CCT3: variants seen among roughly 807,000 people sequenced by gnomAD.
CCT3 encodes chaperonin containing TCP1 subunit 3.
A neutral mutation model predicts 65.3 loss-of-function variants in CCT3; 10 were observed. The observed-to-expected ratio is 0.15, with a 90% CI of 0.09 to 0.26. The LOEUF (loss-of-function observed/expected upper bound fraction) is 0.26. CCT3 is among the 10% of genes least tolerant of loss of function. The probability of loss-of-function intolerance (pLI) is 1.00; values close to 1 mark genes in which losing one functional copy is unlikely to be tolerated. For synonymous variants in CCT3, 225 were observed against 242.3 expected (o/e 0.93, Z 0.66); for missense variants, 626 against 708.7 (o/e 0.88, Z 1.33).
In CCT3 at chr1:156,321,041, C is replaced by G; in HGVS notation, c.423-16G>C. The G allele has an allele frequency of 6.2e-7, 1 of 1,606,236 alleles. No homozygotes were observed. Among genetic ancestry groups the G allele is most frequent in the Non-Finnish European group, 8.5e-7 (1 of 1,173,594 alleles). On this transcript the variant is annotated splice_polypyrimidine_tract_variant and intron_variant, in intron 6 of 13. Transcript: ENST00000295688. ...GACTGGGATACTAGAGAAAAGAAAA[C>G]CAGACGATATGTGAAGAAGGCATGT...
At chr1:156,322,687 C>T (rs894004793) in intron 6 of CCT3, among the ~76,000 whole-genome samples, 1 of 151,198 alleles carries the variant, frequency 6.6e-6, no homozygotes, top group African/African-American at 2.4e-5. Context: ...GAGAAAAACT[C>T]CGTCTCTACT....
Position 156,334,862 on chromosome 1 carries a change from G to A in CCT3, c.144+6C>T, listed in dbSNP as rs1665268598. The A allele has an allele frequency of 3.1e-6, 5 of 1,613,916 alleles. No individual in the cohort carries two copies. The highest frequency in any genetic ancestry group is 4.2e-6 in the Non-Finnish European group (5 of 1,179,814). Reference sequence around the variant, plus strand: ...GCCTAAGAGTTTTAGGAAGAGATAAGCCTACCTTCATCATGGACTTGGGTC... The same window carrying A: ...GCCTAAGAGTTTTAGGAAGAGATAAACCTACCTTCATCATGGACTTGGGTC... On this transcript the variant is annotated splice_donor_region_variant and intron_variant, in intron 3 of 13. Transcript: ENST00000295688.
At chr1:156,325,133 A>G (rs367585473) in intron 5 of CCT3, 44 bp from the exon 6 acceptor site, 11 of 1,319,842 alleles carry the variant, frequency 8.3e-6, no homozygotes, top group South Asian at 4.7e-5. Flanking sequence ...AAGCATCTGG[A>G]TATCAAGGCA....
rs1570927618 is a variant in CCT3 at position 156,325,354 on chromosome 1, T to C, written c.305-265A>G. Reference sequence around the variant, plus strand: ...CAGCCTGGGCAACACAGTGAGACCCTGTCTTTACAAAAAAATTTAAAATTT... The same window carrying C: ...CAGCCTGGGCAACACAGTGAGACCCCGTCTTTACAAAAAAATTTAAAATTT... On this transcript the variant is annotated intron_variant, in intron 5 of 13. Transcript: ENST00000295688. 2.0e-5 allele frequency among the ~76,000 whole-genome samples: 3 copies of C among 152,190 alleles called. No homozygotes were observed. The East Asian group carries it at 5.8e-4, about 29-fold the overall frequency.
At chr1:156,337,277 G>T in intron 1 of CCT3, 2 of 327,552 alleles carry the variant, frequency 6.1e-6, no homozygotes, top group South Asian at 4.4e-5. Flanking sequence ...GCGTGGTGGC[G>T]CGCGCCTGTA....
rs752668283 is a variant in CCT3, at chr1:156,311,139, G to A, written c.1212C>T (p.Asp404=). ...CCCCACCCCCTGGCACCAGCTGAGG[G>A]TCCAGGAGAACATTGCGACACACTT... is the stretch of plus-strand genomic sequence containing the variant. ...AMQVCRNVLL[D]PQLVPGGGAS... The change falls in exon 12 of 14, where the codon GAC becomes GAT. Residue 404 remains aspartate (D), a synonymous_variant. Transcript: ENST00000295688. 6 of 1,613,806 alleles carry A rather than the reference G, an allele frequency of 3.7e-6. No individual in the cohort carries two copies. Among genetic ancestry groups the A allele is most frequent in the South Asian group, 2.2e-5 (2 of 91,070 alleles).
chr1:156,327,101 AACATAT>A (rs1477960997), intron 5 of CCT3, among the ~76,000 whole-genome samples: 2 of 152,260 alleles, frequency 1.3e-5, no homozygotes, highest in African/African-American at 4.8e-5. Flanking sequence ...CACACAAAAT[AACATAT>A]ACATAGATGC....
At chr1:156,335,526 G>C (rs1473209448) in intron 2 of CCT3, 4 of 347,192 alleles carry the variant, frequency 1.2e-5, no homozygotes, top group Non-Finnish European at 2.1e-5. Flanking sequence ...AGGGAATAAA[G>C]TACTTATGTT....
Position 156,334,894 on chromosome 1 carries a change from A to C in CCT3, c.118T>G (p.Cys40Gly), listed in dbSNP as rs754057573. The C allele has an allele frequency of 6.2e-7, 1 of 1,614,154 alleles. No homozygotes were observed. Among genetic ancestry groups the C allele is most frequent in the Non-Finnish European group, 8.5e-7 (1 of 1,179,998 alleles). Residue 40 changes from cysteine (C) to glycine (G), a missense_variant, in exon 3 of 14, where the codon TGT becomes GGT. By Grantham distance (159) the Cys-to-Gly change is radical. Coordinates refer to ENST00000295688, the MANE Select transcript of CCT3 (RefSeq NM_005998.5). ...TTCATCATGGACTTGGGTCCCAAAC[A>C]TGTTCGGATGATATCTGCAATAGTC... is the stretch of plus-strand genomic sequence containing the variant. ...AKTIADIIRT[C>G]LGPKSMMKML...
At chr1:156,317,373 G>A (rs201007217) in intron 9 of CCT3, 42 bp downstream of exon 9, 102 of 1,601,482 alleles carry the variant, frequency 6.4e-5, no homozygotes, top group Middle Eastern at 5.0e-4. Context: ...ACCCACCCTC[G>A]TCTACCTCAA....
intron 6 of CCT3, among the ~76,000 whole-genome samples, chr1:156,323,787 G>A (rs1404412684): frequency 1.4e-5 from 2 of 148,110 alleles, no homozygotes; most frequent in Non-Finnish European, 3.0e-5. Context: ...TTTTTGAGAT[G>A]GAGTTTTGTT....
Position 156,317,526 on chromosome 1 carries a change from C to G in CCT3, c.781G>C (p.Glu261Gln). Residue 261 changes from glutamate to glutamine, a missense_variant, in exon 9 of 14, where the codon GAG (glutamate) becomes CAG (glutamine). By Grantham distance (29) the Glu-to-Gln change is conservative. Transcript: ENST00000295688. ...ESQTDIEITREEDFTRILQME... is the reference protein window; with the variant it reads ...ESQTDIEITRQEDFTRILQME... ...TGGAGAATTCGGGTGAAGTCCTCCT[C>G]TCGTGTAATCTCAATGTCAGTCTGT... The G allele has an allele frequency of 6.2e-7, 1 of 1,613,588 alleles. No homozygotes were observed. The highest frequency in any genetic ancestry group is 8.5e-7 in the Non-Finnish European group (1 of 1,179,656).
intron 6 of CCT3, among the ~76,000 whole-genome samples, chr1:156,322,479 G>A (rs148539882): frequency 6.6e-6 from 1 of 151,844 alleles, no homozygotes; most frequent in Non-Finnish European, 1.5e-5. Flanking sequence ...CTGGAAAACA[G>A]AGCGAGACCC....
rs992506486 is a variant in CCT3, at chr1:156,324,967, G to A, written c.422+5C>T. 7.6e-6 allele frequency: 12 copies of A among 1,586,488 alleles called. No individual in the cohort carries two copies. The highest frequency in any genetic ancestry group is 1.0e-5 in the Non-Finnish European group (12 of 1,155,398). ...GATACTACCTATTTCTTGCCCCCAA[G>A]ATACCTTATTTTCTTTAGGGTGCTG... On this transcript the variant is annotated splice_donor_5th_base_variant and intron_variant, in intron 6 of 13. Coordinates refer to ENST00000295688, the MANE Select transcript of CCT3 (RefSeq NM_005998.5).
intron 5 of CCT3, among the ~76,000 whole-genome samples, chr1:156,329,443 C>T (rs1665010891): frequency 6.6e-6 from 1 of 151,256 alleles, no homozygotes; most frequent in African/African-American, 2.4e-5. Context: ...GTAGCTGGGA[C>T]TACAGGCACG....
At chr1:156,332,234 G>T (rs1297078849) in intron 5 of CCT3, among the ~76,000 whole-genome samples, 1 of 152,088 alleles carries the variant, frequency 6.6e-6, no homozygotes, top group Non-Finnish European at 1.5e-5. Flanking sequence ...GGCTGGTCTC[G>T]AACTCCTGAC....
In CCT3 at chr1:156,311,111, A is replaced by T; in HGVS notation, c.1240T>A (p.Ser414Thr). ...DPQLVPGGGA[S>T]EMAVAHALTE... ...AAGGCATGGGCCACAGCCATCTCGGAGGCCCCACCCCCTGGCACCAGCTGA... is the reference window on the plus strand; with the variant it reads ...AAGGCATGGGCCACAGCCATCTCGGTGGCCCCACCCCCTGGCACCAGCTGA... The change falls in exon 12 of 14, where the codon TCC becomes ACC. Residue 414 changes from serine to threonine, a missense_variant. Transcript: ENST00000295688. 6.2e-7 allele frequency: 1 copy of T among 1,614,106 alleles called. No homozygotes were observed. Among genetic ancestry groups the T allele is most frequent in the Non-Finnish European group, 8.5e-7 (1 of 1,180,004 alleles).
chr1:156,318,284 C>T (rs1227427837), intron 8 of CCT3, among the ~76,000 whole-genome samples: 4 of 143,758 alleles, frequency 2.8e-5, no homozygotes, highest in African/African-American at 1.0e-4. Flanking sequence ...AGTTCAGTGG[C>T]GTGATCACAG....
Position 156,334,872 on chromosome 1 carries a change from A to G in CCT3, c.140T>C (p.Met47Thr). The G allele has an allele frequency of 6.2e-7, 1 of 1,614,156 alleles. No individual in the cohort carries two copies. The highest frequency in any genetic ancestry group is 8.5e-7 in the Non-Finnish European group (1 of 1,179,986). ...IRTCLGPKSMMKMLLDPMGGI... is the reference protein window; with the variant it reads ...IRTCLGPKSMTKMLLDPMGGI... ...TTTAGGAAGAGATAAGCCTACCTTC[A>G]TCATGGACTTGGGTCCCAAACATGT... is the stretch of plus-strand genomic sequence containing the variant. The change falls in exon 3 of 14, where the codon ATG becomes ACG. Residue 47 changes from methionine (M) to threonine (T), a missense_variant. By Grantham distance (81) the Met-to-Thr change is moderately conservative (BLOSUM62 -1). Transcript: ENST00000295688.
Sources: allele counts gnomAD v4.1 joint callset (sites outside exome capture counted in the v4.1 genomes callset), GRCh38; gene constraint gnomAD v4.1.1; transcripts MANE v1.5; gene names NCBI Gene and HGNC (gene_info 2026-07-23, HGNC 2026-07-21).